CRYBG1: variants seen among roughly 807,000 people sequenced by gnomAD.
The protein encoded by CRYBG1 is beta/gamma crystallin domain-containing protein 1.
A neutral mutation model predicts 189.2 loss-of-function variants in CRYBG1; 139 were observed. That is an observed-to-expected ratio of 0.73 (90% confidence interval 0.64 to 0.85). CRYBG1 has a LOEUF of 0.85. CRYBG1 is among the 40% of genes least tolerant of loss of function. The pLI is 0.00. For synonymous variants in CRYBG1, 1,023 were observed against 1,017.1 expected, an observed-to-expected ratio of 1.01 and a Z score of -0.11; for missense variants, 2,611 against 2,675.8, an observed-to-expected ratio of 0.98 and a Z score of 0.53.
rs1418747527 is a variant in CRYBG1 at position 106,481,000 on chromosome 6, G to A, written c.312+29168G>A. 6.3e-5 allele frequency among the ~76,000 whole-genome samples: 4 copies of A among 63,330 alleles called. 1 individual carries two copies. The highest frequency in any genetic ancestry group is 2.9e-4 in the African/African-American group (4 of 13,886). 41.5% of individuals were successfully genotyped at this position (63,330 alleles called of 152,430 possible). A position where few individuals can be genotyped will look rare whatever the true frequency, so the allele number is the denominator to read the frequency against. ...TTTTTTTTTTTTTTTTTTAGACGGAGTCTCGCTCTGTCGCCCAGGCTGGAG... is the reference window on the plus strand; with the variant it reads ...TTTTTTTTTTTTTTTTTTAGACGGAATCTCGCTCTGTCGCCCAGGCTGGAG... On this transcript the variant is annotated intron_variant, in intron 2 of 21. Transcript: ENST00000633556.
intron 2 of CRYBG1, 28 bp downstream of exon 2, chr6:106,451,860 C>T (rs1316616971): frequency 6.5e-7 from 1 of 1,527,632 alleles, no homozygotes; most frequent in Non-Finnish European, 8.8e-7. Flanking sequence ...ATGTTTGACT[C>T]CCAAGAATAA....
intron 1 of CRYBG1, among the ~76,000 whole-genome samples, chr6:106,428,226 G>A (rs965271039): frequency 3.3e-5 from 5 of 152,138 alleles, no homozygotes; most frequent in Non-Finnish European, 5.9e-5. Context: ...ACAAAAATAT[G>A]TTTTTGTTGA....
At chr6:106,543,388 A>C in intron 10 of CRYBG1, 52 bp from the exon 11 acceptor site, 1 of 1,511,472 alleles carries the variant, frequency 6.6e-7, no homozygotes, top group Non-Finnish European at 9.1e-7. Context: ...TTTAATGTTA[A>C]GCTGTTGGGA....
chr6:106,418,837 G>T (rs974488691), intron 1 of CRYBG1, among the ~76,000 whole-genome samples: 9 of 152,230 alleles, frequency 5.9e-5, no homozygotes, highest in Non-Finnish European at 1.3e-4. Context: ...GAATAGTTCT[G>T]TCTCCTGCAG....
chr6:106,544,029 G>A (rs973200354), intron 11 of CRYBG1, among the ~76,000 whole-genome samples: 11 of 152,216 alleles, frequency 7.2e-5, no homozygotes, highest in Non-Finnish European at 1.3e-4. Flanking sequence ...TCCAGCCTGG[G>A]CAACAAGAGC....
At chr6:106,538,494 C>T (rs1405141191) in intron 8 of CRYBG1, among the ~76,000 whole-genome samples, 2 of 152,186 alleles carry the variant, frequency 1.3e-5, no homozygotes, top group Non-Finnish European at 2.9e-5. Flanking sequence ...CCCCTGAGGA[C>T]ACCACTGTGC....
chr6:106,385,384 A>G (rs1481250527), intron 1 of CRYBG1, among the ~76,000 whole-genome samples: 1 of 152,204 alleles, frequency 6.6e-6, no homozygotes, highest in Admixed American at 6.5e-5. Context: ...TCTCTACTGG[A>G]TAACACAGTG....
chr6:106,550,359 G>C (rs917618776), intron 13 of CRYBG1, among the ~76,000 whole-genome samples: 1 of 152,110 alleles, frequency 6.6e-6, no homozygotes, highest in Non-Finnish European at 1.5e-5. Flanking sequence ...GCTTTGAGAG[G>C]ATCATGAGAA....
At chr6:106,509,097 A>G (rs566623111) in intron 2 of CRYBG1, among the ~76,000 whole-genome samples, 1 of 152,214 alleles carries the variant, frequency 6.6e-6, no homozygotes, top group East Asian at 1.9e-4. Context: ...ACTCAAACCT[A>G]TTTTCCCTGG....
chr6:106,487,267 C>G (rs1287778214), intron 2 of CRYBG1, among the ~76,000 whole-genome samples: 1 of 152,224 alleles, frequency 6.6e-6, no homozygotes, highest in East Asian at 1.9e-4. Context: ...AGCCACTTAA[C>G]TATTGATGTT....
rs544325663 is a variant in CRYBG1, at chr6:106,568,220, C to T, written c.6302-252C>T. Among the ~76,000 whole-genome samples the T allele has an allele frequency of 3.9e-5, 6 of 152,282 alleles. No individual in the cohort carries two copies. The East Asian group carries it at 7.7e-4, about 20-fold the overall frequency. ...TAAGAACTGGGTAGAAAAAGGAGCC[C>T]GTGAGGTGGGATGTCCTGTGTGAAG... On this transcript the variant is annotated intron_variant, in intron 21 of 21. Coordinates refer to ENST00000633556, the MANE Select transcript of CRYBG1 (RefSeq NM_001371242.2).
At chr6:106,517,325 T>TATATAC (rs1562098918) in intron 3 of CRYBG1, among the ~76,000 whole-genome samples, 1 of 120,500 alleles carries the variant, frequency 8.3e-6, no homozygotes, top group African/African-American at 3.4e-5. Context: ...CACATATATA[T>TATATAC]ATACACATAT....
chr6:106,450,610 C>T lies in CRYBG1; in HGVS notation c.174-1084C>T, dbSNP rs187826025. Among the ~76,000 whole-genome samples the T allele has an allele frequency of 1.8e-4, 27 of 152,282 alleles. No homozygotes were observed. The East Asian group carries it at 4.6e-3, about 26-fold the overall frequency. On this transcript the variant is annotated intron_variant, in intron 1 of 21. Coordinates refer to ENST00000633556, the MANE Select transcript of CRYBG1 (RefSeq NM_001371242.2). ...CGTTTATTATCTAACACAACAAGAA[C>T]TCCAGAGATAGGTAATTCTGCTTCT...
At chr6:106,439,557 A>G (rs1771531112) in intron 1 of CRYBG1, among the ~76,000 whole-genome samples, 2 of 152,194 alleles carry the variant, frequency 1.3e-5, no homozygotes, top group East Asian at 3.9e-4. Flanking sequence ...GAGATTGTTG[A>G]CTCAAGAGTC....
At chr6:106,549,358 A>G (rs1392230214) in intron 13 of CRYBG1, among the ~76,000 whole-genome samples, 1 of 152,208 alleles carries the variant, frequency 6.6e-6, no homozygotes, top group Non-Finnish European at 1.5e-5. Flanking sequence ...CACAAAGGTT[A>G]AGTGAGTTCT....
chr6:106,444,432 G>A (rs1483851844), intron 1 of CRYBG1, among the ~76,000 whole-genome samples: 2 of 152,176 alleles, frequency 1.3e-5, no homozygotes, highest in African/African-American at 4.8e-5. Flanking sequence ...ACAGACCTCG[G>A]TTCCTCAGTT....
At chr6:106,552,546 C>T (rs1411296119) in intron 15 of CRYBG1, among the ~76,000 whole-genome samples, 1 of 132,044 alleles carries the variant, frequency 7.6e-6, no homozygotes. Context: ...GAGATCGCAC[C>T]ACTGCACTCC....
intron 17 of CRYBG1, among the ~76,000 whole-genome samples, chr6:106,557,589 T>G: frequency 6.6e-6 from 1 of 151,930 alleles, no homozygotes; most frequent in East Asian, 1.9e-4. Flanking sequence ...TTTTTTGTGT[T>G]TGTTTGTTTG....
chr6:106,492,565 G>A (rs1434555933), intron 2 of CRYBG1, among the ~76,000 whole-genome samples: 1 of 151,474 alleles, frequency 6.6e-6, no homozygotes, highest in Non-Finnish European at 1.5e-5. Context: ...AAGGAAGGAA[G>A]GAAGGACCGA....
Sources: gnomAD v4.1 joint callset for allele counts (sites outside exome capture counted in the v4.1 genomes callset) on GRCh38, gnomAD v4.1.1 for gene constraint, MANE v1.5 for transcripts, NCBI Gene and HGNC (gene_info 2026-07-23, HGNC 2026-07-21) for gene names.